The following CIAO3 variants were observed in gnomAD, a reference collection of about 807,000 sequenced individuals.
The protein encoded by CIAO3 is cytosolic iron-sulfur assembly component 3, also known as LET1 like/JFP15.
In CIAO3, 45 loss-of-function variants were observed where a neutral mutation model predicts 51.5. The ratio of observed to expected loss-of-function variants is 0.87; its 90% CI spans 0.69 to 1.12. CIAO3 has a LOEUF of 1.12. Among genes scored for constraint, CIAO3 ranks in the 50% most tolerant of loss-of-function variants. The pLI, the probability that CIAO3 is intolerant of heterozygous loss-of-function variation, is 0.00. For missense variants in CIAO3, 668 were observed against 632.5 expected, an observed-to-expected ratio of 1.06 and a Z score of -0.60; for synonymous variants, 314 against 269.3, an observed-to-expected ratio of 1.17 and a Z score of -1.63.
At position 732,487 on chromosome 16, in the gene CIAO3, C is replaced by T. The variant is rs1172503143; in HGVS notation, c.824-114G>A. 5.8e-6 allele frequency: 7 copies of T among 1,206,716 alleles called. No homozygotes were observed. In the East Asian group the frequency reaches 1.7e-4, roughly 29 times the overall value. 74.8% of individuals were successfully genotyped at this position (1,206,716 alleles called of 1,614,324 possible). Reference sequence around the variant, plus strand: ...TCTGCACTTTGGCCCCAGAAGGCCCCAAATGTCCACCCTAGCCCGTGGTGG... The same window carrying T: ...TCTGCACTTTGGCCCCAGAAGGCCCTAAATGTCCACCCTAGCCCGTGGTGG... On this transcript the variant is annotated intron_variant, in intron 7 of 10. Coordinates refer to ENST00000251588, the MANE Select transcript of CIAO3 (RefSeq NM_022493.3).
chr16:736,772 T>A (rs1596674329), intron 3 of CIAO3, among the ~76,000 whole-genome samples: 1 of 152,118 alleles, frequency 6.6e-6, no homozygotes. Flanking sequence ...CAAGCGATTC[T>A]CCTGCCTCAG....
chr16:730,928 G>C lies in CIAO3; in HGVS notation c.1107C>G (p.Gly369=), dbSNP rs372075628. The change falls in exon 10 of 11, where the codon GGC becomes GGG. Residue 369 remains glycine, a synonymous_variant. Coordinates refer to ENST00000251588, the MANE Select transcript of CIAO3 (RefSeq NM_022493.3). ...QVLLHFAMAY[G]FRNIQNLVQR... ...GCACCAGGTTCTGGATGTTGCGGAA[G>C]CCGTACGCCATTGCGAAGTGCAGCA... is the stretch of plus-strand genomic sequence containing the variant. The C allele has an allele frequency of 6.2e-7, 1 of 1,612,870 alleles. No individual in the cohort carries two copies. Among genetic ancestry groups the C allele is most frequent in the Non-Finnish European group, 8.5e-7 (1 of 1,180,012 alleles).
At chr16:739,517 C>T (rs2041370744) in intron 2 of CIAO3, 126 bp downstream of exon 2, 1 of 968,106 alleles carries the variant, frequency 1.0e-6, no homozygotes, top group Admixed American at 2.0e-5. Flanking sequence ...TGAATTCGAC[C>T]AGTGGGAAAA....
rs1458892486 is a variant in CIAO3, at chr16:729,826, C to T, written c.*591G>A. ...GGAGACAGGCCTGGTGGGGACCTGG[C>T]TGGGGGATGATGCAGCCCGCGATGG... On this transcript the variant is annotated 3_prime_UTR_variant, in exon 11 of 11. Transcript: ENST00000251588. 2 of 809,430 alleles carry T rather than the reference C, an allele frequency of 2.5e-6. No homozygotes were observed. The highest frequency in any genetic ancestry group is 1.7e-6 in the Non-Finnish European group (1 of 580,158). 50.1% of individuals were successfully genotyped at this position (809,430 alleles called of 1,614,324 possible).
At chr16:732,619 C>T in intron 7 of CIAO3, 1 of 622,560 alleles carries the variant, frequency 1.6e-6, no homozygotes, top group Non-Finnish European at 3.0e-6. Context: ...GTCCATCTGT[C>T]CATCCTCTTA....
Position 734,772 on chromosome 16 carries a change from C to T in CIAO3, c.539G>A (p.Arg180Lys). 1.9e-6 allele frequency: 3 copies of T among 1,611,404 alleles called. No individual in the cohort carries two copies. The highest frequency in any genetic ancestry group is 8.5e-7 in the Non-Finnish European group (1 of 1,178,732). Residue 180 changes from arginine to lysine, a missense_variant, in exon 5 of 11, where the codon AGA (arginine) becomes AAA (lysine). Physicochemically the swap from Arg to Lys is conservative, Grantham distance 26 (BLOSUM62 2). Transcript: ENST00000251588. ...VRRFRGQADC[R>K]QALPLLASAC... ...AGAGGCCAGCAGGGGCAGCGCCTGT[C>T]TGCAGTCGGCCTGTCCTCGGAATCG... is the stretch of plus-strand genomic sequence containing the variant.
chr16:733,634 TC>T, intron 6 of CIAO3: 1 of 671,858 alleles, frequency 1.5e-6, no homozygotes, highest in Non-Finnish European at 2.4e-6. Flanking sequence ...ACTGACCCAT[TC>T]CCAGTGTGCC....
rs146262496 is a variant in CIAO3 at position 736,268 on chromosome 16, A to G, written c.437T>C (p.Ile146Thr). The G allele has an allele frequency of 3.7e-6, 6 of 1,612,428 alleles. No homozygotes were observed. In the African/African-American group the frequency reaches 8.0e-5, roughly 22 times the overall value. Residue 146 changes from isoleucine (I) to threonine (T), a missense_variant and splice_region_variant, in exon 4 of 11, where the codon ATA becomes ACA. Transcript: ENST00000251588. ...GTTACCCCAGGTTCAAAGCCTACCT[A>G]TTTTTTTAAAGAATGAGGTTAATTT... ...ARKLTSFFKKIGVHFVFDTAF... is the reference protein window; with the variant it reads ...ARKLTSFFKKTGVHFVFDTAF...
chr16:737,083 G>A lies in CIAO3; in HGVS notation c.306+103C>T, dbSNP rs555231840. On this transcript the variant is annotated intron_variant, in intron 3 of 10. Coordinates refer to ENST00000251588, the MANE Select transcript of CIAO3 (RefSeq NM_022493.3). The surrounding 1 kb of genome is among the most constrained non-coding windows in gnomAD (Gnocchi z 5.3). Reference sequence around the variant, plus strand: ...TCAAAAAGGCAGGCGCCACCCGCACGACGGACGTCGGCACCACACGAGCTG... The same window carrying A: ...TCAAAAAGGCAGGCGCCACCCGCACAACGGACGTCGGCACCACACGAGCTG... 354 of 1,505,690 alleles carry A rather than the reference G, an allele frequency of 2.4e-4. 5 individuals are homozygous for A. In the South Asian group the frequency reaches 3.7e-3, roughly 16 times the overall value. The allele number at this position is 1,505,690 out of a possible 1,614,324, so 93.3% of individuals were successfully genotyped here.
intron 4 of CIAO3, 136 bp from the exon 5 acceptor site, chr16:735,007 C>T (rs569510590): frequency 4.8e-5 from 60 of 1,238,018 alleles, no homozygotes; most frequent in African/African-American, 1.1e-4. Context: ...CCGGCCCCAC[C>T]GTGGGGACCT....
intron 1 of CIAO3, chr16:740,652 C>T: frequency 1.9e-6 from 1 of 518,352 alleles, no homozygotes; most frequent in South Asian, 2.3e-5. Context: ...ACCACGGGAC[C>T]CTCCCACGCA....
At chr16:733,205 C>T in intron 7 of CIAO3, 93 bp downstream of exon 7, 1 of 1,517,458 alleles carries the variant, frequency 6.6e-7, no homozygotes, top group African/African-American at 1.4e-5. Context: ...AGGGCCCCCA[C>T]AGGCAGGATC....
chr16:738,980 G>A (rs1159729113), intron 2 of CIAO3, among the ~76,000 whole-genome samples: 2 of 148,816 alleles, frequency 1.3e-5, no homozygotes, highest in Non-Finnish European at 3.0e-5. Context: ...TTATCACTTA[G>A]AGAGGAAGTA....
rs1023284670 is a variant in CIAO3, at chr16:737,859, G to C, written c.163-530C>G. On this transcript the variant is annotated intron_variant, in intron 2 of 10. Transcript: ENST00000251588. This position sits in a 1 kb window ranked among gnomAD's most constrained non-coding sequence, Gnocchi z 5.3. Reference sequence around the variant, plus strand: ...TGCAGGAACAAGGTGTTCCAGTCGGGGGCCTCCGGGACATGCCTCAGCAAC... The same window carrying C: ...TGCAGGAACAAGGTGTTCCAGTCGGCGGCCTCCGGGACATGCCTCAGCAAC... The C allele has an allele frequency of 8.5e-7, 1 of 1,182,292 alleles. No individual in the cohort carries two copies. The highest frequency in any genetic ancestry group is 1.6e-5 in the African/African-American group (1 of 62,320). 73.2% of individuals were successfully genotyped at this position (1,182,292 alleles called of 1,614,324 possible).
At chr16:731,397 C>T (rs1303407965) in intron 9 of CIAO3, 168 bp downstream of exon 9, 12 of 995,168 alleles carry the variant, frequency 1.2e-5, no homozygotes, top group Non-Finnish European at 1.5e-5. Context: ...CCTTCACACC[C>T]TGAGCCCGCC....
intron 6 of CIAO3, chr16:733,916 C>G (rs930652124): frequency 4.8e-6 from 2 of 413,030 alleles, no homozygotes; most frequent in South Asian, 4.3e-5. Context: ...AGGTGGGGGT[C>G]GTGCTGGGCA....
chr16:740,425 G>C (rs1021954966), intron 1 of CIAO3: 20 of 308,942 alleles, frequency 6.5e-5, no homozygotes, highest in Non-Finnish European at 1.2e-4. Context: ...CCTCAAATGA[G>C]GTGGGGTCCC....
chr16:730,966 CCTT>C lies in CIAO3; in HGVS notation c.1066_1068del (p.Lys356del), dbSNP rs777563112. The C allele has an allele frequency of 3.7e-6, 6 of 1,612,984 alleles. No individual in the cohort carries two copies. In the East Asian group the frequency reaches 1.3e-4, roughly 36 times the overall value. On this transcript the variant is annotated inframe_deletion, in exon 10 of 11. Transcript: ENST00000251588. Reference sequence around the variant, plus strand: ...GCGAAGTGCAGCAGCACCTGGCCCTCCTTCTCCAGTGTCACCTCCTGGAAGTCT... The same window carrying C: ...GCGAAGTGCAGCAGCACCTGGCCCTCCTCCAGTGTCACCTCCTGGAAGTCT...
chr16:736,519 T>A, intron 3 of CIAO3, 121 bp from the exon 4 acceptor site: 4 of 180,960 alleles, frequency 2.2e-5, no homozygotes, highest in Non-Finnish European at 3.7e-5. Context: ...ATCAAGAGTC[T>A]TTTTTTTTTT....
Sources: gnomAD v4.1 joint callset for allele counts (sites outside exome capture counted in the v4.1 genomes callset) on GRCh38, gnomAD v4.1.1 for gene constraint, Gnocchi (gnomAD v3.1) non-coding constraint, MANE v1.5 for transcripts, NCBI Gene and HGNC (gene_info 2026-07-23, HGNC 2026-07-21) for gene names.